OR14I1: variants seen among roughly 807,000 people sequenced by gnomAD.
The protein encoded by OR14I1 is olfactory receptor family 14 subfamily I member 1.
For missense variants in OR14I1, 279 were observed against 181.8 expected (o/e 1.53, Z -3.07); for synonymous variants, 118 against 71.1 (o/e 1.66, Z -3.32).
the OR14I1 span, among the ~76,000 whole-genome samples, chr1:248,696,592 C>T: frequency 6.6e-6 from 1 of 152,168 alleles, no homozygotes; most frequent in Non-Finnish European, 1.5e-5. Flanking sequence ...TTCTGCCACC[C>T]GTGACCTTTA....
At chr1:248,690,285 A>G in the OR14I1 span, among the ~76,000 whole-genome samples, 1 of 152,198 alleles carries the variant, frequency 6.6e-6, no homozygotes, top group African/African-American at 2.4e-5. Flanking sequence ...CAATGAAATC[A>G]GGAGCTGGTT....
At chr1:248,680,270 ACAG>A, downstream of OR14I1, among the ~76,000 whole-genome samples, 1 of 152,242 alleles carries the variant, frequency 6.6e-6, no homozygotes, top group Admixed American at 6.5e-5. Context: ...AATTATATTT[ACAG>A]AATTTTATGT....
the OR14I1 span, chr1:248,697,090 A>G: frequency 6.6e-6 from 1 of 152,262 alleles, no homozygotes; most frequent in South Asian, 2.1e-4. Context: ...ATTCAGCTCC[A>G]GTGGTTTTAA....
At chr1:248,679,978 T>C (rs1661531101), downstream of OR14I1, among the ~76,000 whole-genome samples, 1 of 152,244 alleles carries the variant, frequency 6.6e-6, no homozygotes, top group Non-Finnish European at 1.5e-5. Flanking sequence ...CAATATTTAA[T>C]GTTTTAAATG....
At chr1:248,690,600 CAAAAAAA>C in the OR14I1 span, among the ~76,000 whole-genome samples, 18 of 51,526 alleles carry the variant, frequency 3.5e-4, no homozygotes, top group African/African-American at 4.7e-4. Context: ...GTCTACCAAC[CAAAAAAA>C]AAAAAAAAAA....
At chr1:248,690,813 C>T in the OR14I1 span, among the ~76,000 whole-genome samples, 2 of 151,774 alleles carry the variant, frequency 1.3e-5, no homozygotes, top group Admixed American at 6.6e-5. Flanking sequence ...ACACCAATAT[C>T]GCTGATGAAC....
upstream of OR14I1, among the ~76,000 whole-genome samples, chr1:248,682,985 C>G (rs374625717): frequency 6.6e-6 from 1 of 152,182 alleles, no homozygotes; most frequent in Admixed American, 6.5e-5. Flanking sequence ...TGCACCTTCT[C>G]TGTGCCCGAT....
chr1:248,682,568 C>A (rs938705183), upstream of OR14I1, among the ~76,000 whole-genome samples: 3 of 152,154 alleles, frequency 2.0e-5, no homozygotes, highest in Admixed American at 1.3e-4. Flanking sequence ...TTATATGGAA[C>A]TTCTCAATCT....
chr1:248,691,104 G>C, the OR14I1 span, among the ~76,000 whole-genome samples: 7 of 152,130 alleles, frequency 4.6e-5, no homozygotes, highest in Admixed American at 6.5e-5. Flanking sequence ...GGATATTTAG[G>C]TTGCTTCCAA....
At chr1:248,694,983 A>T in the OR14I1 span, among the ~76,000 whole-genome samples, 12 of 152,318 alleles carry the variant, frequency 7.9e-5, no homozygotes, top group Admixed American at 7.2e-4. Flanking sequence ...AAGGAACTGA[A>T]TTTTTAATTA....
chr1:248,695,564 T>C, the OR14I1 span, among the ~76,000 whole-genome samples: 1 of 152,106 alleles, frequency 6.6e-6, no homozygotes, highest in Non-Finnish European at 1.5e-5. Context: ...TACATTTGGA[T>C]TGTGCTTCCT....
chr1:248,702,181 C>T, the OR14I1 span, among the ~76,000 whole-genome samples: 4 of 152,150 alleles, frequency 2.6e-5, no homozygotes, highest in East Asian at 1.9e-4. Flanking sequence ...CCTTTCTCAA[C>T]GGTCCCCCAA....
upstream of OR14I1, among the ~76,000 whole-genome samples, chr1:248,684,860 ATAAG>A (rs1223304586): frequency 1.8e-5 from 2 of 109,334 alleles, no homozygotes. Flanking sequence ...GAGGGAAAAA[ATAAG>A]TTGAAAACAT....
At chr1:248,690,492 A>C in the OR14I1 span, among the ~76,000 whole-genome samples, 1 of 150,678 alleles carries the variant, frequency 6.6e-6, no homozygotes, top group Non-Finnish European at 1.5e-5. Context: ...AAACGGATAA[A>C]TTCCTGGACA....
the OR14I1 span, chr1:248,699,122 A>G: frequency 6.6e-6 from 1 of 152,118 alleles, no homozygotes; most frequent in African/African-American, 2.4e-5. Context: ...GTATTCTTTC[A>G]TGAGTGTTAA....
At chr1:248,678,452 G>A (rs1006738887), downstream of OR14I1, among the ~76,000 whole-genome samples, 49 of 152,186 alleles carry the variant, frequency 3.2e-4, no homozygotes, top group Non-Finnish European at 6.0e-4. Flanking sequence ...CAAATTGGAA[G>A]TCAATTACAC....
the OR14I1 span, among the ~76,000 whole-genome samples, chr1:248,694,545 T>G: frequency 6.6e-6 from 1 of 152,210 alleles, no homozygotes; most frequent in Non-Finnish European, 1.5e-5. Context: ...ACATCTTGTT[T>G]TTTTCCCCTT....
downstream of OR14I1, chr1:248,681,311 G>A (rs74154541): frequency 5.4e-3 from 3,359 of 616,884 alleles, 105 homozygotes; most frequent in African/African-American, 0.052. Flanking sequence ...TTGTCATAAA[G>A]TATTTATGCT....
At chr1:248,681,261 G>A, downstream of OR14I1, 1 of 554,992 alleles carries the variant, frequency 1.8e-6, no homozygotes, top group Non-Finnish European at 3.2e-6. Flanking sequence ...TTTTTTTTCA[G>A]GATTTTTCAT....
Sources: allele counts gnomAD v4.1 joint callset (sites outside exome capture counted in the v4.1 genomes callset), GRCh38; gene constraint gnomAD v4.1.1; transcripts MANE v1.5; gene names NCBI Gene and HGNC (gene_info 2026-07-23, HGNC 2026-07-21).